Variants in STPG2 observed in about 807,000 individuals in gnomAD.
STPG2 encodes the protein sperm-tail PG-rich repeat-containing protein 2.
STPG2 carries 56 observed loss-of-function variants against 54.2 expected under a neutral mutation model. The observed-to-expected ratio is 1.03, with a 90% CI of 0.83 to 1.29. The LOEUF is 1.29. STPG2 is among the 50% of genes most tolerant of loss of function. The pLI, the probability that STPG2 is intolerant of heterozygous loss-of-function variation, is 0.00. For missense variants in STPG2, 596 were observed against 544.9 expected, an observed-to-expected ratio of 1.09 and a Z score of -0.93; for synonymous variants, 200 against 181.8, an observed-to-expected ratio of 1.10 and a Z score of -0.81.
intron 3 of STPG2, among the ~76,000 whole-genome samples, chr4:98,124,000 A>T (rs1739759623): frequency 6.6e-6 from 1 of 151,842 alleles, no homozygotes; most frequent in South Asian, 2.1e-4. Context: ...TAGGATTACA[A>T]CCCTTGCTTT....
intron 7 of STPG2, 39 bp from the exon 8 acceptor site, chr4:97,944,046 T>C: frequency 7.5e-7 from 1 of 1,333,446 alleles, no homozygotes; most frequent in South Asian, 1.2e-5. Context: ...CATCATTTAT[T>C]TTTATCAATA....
chr4:97,813,226 A>G (rs541927393), intron 9 of STPG2, among the ~76,000 whole-genome samples: 1 of 141,058 alleles, frequency 7.1e-6, no homozygotes, highest in South Asian at 2.3e-4. Context: ...TGCAGGGTCA[A>G]AGTAAAAACA....
chr4:98,021,726 G>T (rs2149291738), intron 5 of STPG2, among the ~76,000 whole-genome samples: 1 of 151,896 alleles, frequency 6.6e-6, no homozygotes, highest in Non-Finnish European at 1.5e-5. Context: ...ATATATTTAG[G>T]ATAGTTAGCT....
chr4:98,094,962 C>A (rs1738805679), intron 5 of STPG2, among the ~76,000 whole-genome samples: 1 of 151,612 alleles, frequency 6.6e-6, no homozygotes. Context: ...AAATGATGAA[C>A]CAATAAAAAA....
chr4:97,927,703 A>C (rs896655079), intron 8 of STPG2, among the ~76,000 whole-genome samples: 1 of 152,034 alleles, frequency 6.6e-6, no homozygotes, highest in Non-Finnish European at 1.5e-5. Flanking sequence ...CCCTAAAGAG[A>C]GTGACTTCTA....
chr4:97,855,079 A>G (rs1489091473), intron 8 of STPG2, among the ~76,000 whole-genome samples: 1 of 152,176 alleles, frequency 6.6e-6, no homozygotes, highest in Admixed American at 6.6e-5. Context: ...AAAGGACATA[A>G]TCTTATTCCT....
In STPG2 at chr4:97,494,535, T is replaced by C. The variant is rs576356670; in HGVS notation, c.462+218164A>G. 2.0e-5 allele frequency among the ~76,000 whole-genome samples: 3 copies of C among 151,686 alleles called. No homozygotes were observed. The South Asian group carries it at 6.2e-4, about 31-fold the overall frequency. ...TTGTCTTTGTCTCCACATTATATGT[T>C]TGATAAATGGAGGGCAAATAAATTA... is the stretch of plus-strand genomic sequence containing the variant. On this transcript the variant is annotated intron_variant, in intron 4 of 4. Coordinates refer to the STPG2 transcript ENST00000522676.
intron 10 of STPG2, among the ~76,000 whole-genome samples, chr4:97,625,664 T>C (rs1384060762): frequency 6.6e-6 from 1 of 152,174 alleles, no homozygotes; most frequent in Non-Finnish European, 1.5e-5. Flanking sequence ...TCTCAGTCTA[T>C]CTGATAAATA....
chr4:97,793,673 CA>C (rs2149082746), intron 9 of STPG2, among the ~76,000 whole-genome samples: 1 of 151,842 alleles, frequency 6.6e-6, no homozygotes, highest in Non-Finnish European at 1.5e-5. Context: ...TGAATCTAAA[CA>C]GCAATATATT....
At chr4:97,897,566 C>G (rs1731005915) in intron 8 of STPG2, among the ~76,000 whole-genome samples, 1 of 152,144 alleles carries the variant, frequency 6.6e-6, no homozygotes. Context: ...TTGTCAGCAT[C>G]TGTTATTTTT....
At chr4:97,582,529 T>A (rs555051313) in intron 10 of STPG2, among the ~76,000 whole-genome samples, 8 of 152,106 alleles carry the variant, frequency 5.3e-5, no homozygotes, top group Non-Finnish European at 1.0e-4. Context: ...CATAATTTTA[T>A]CTTTCTGATT....
At chr4:97,644,712 A>G (rs530530172) in intron 10 of STPG2, among the ~76,000 whole-genome samples, 37 of 152,140 alleles carry the variant, frequency 2.4e-4, no homozygotes, top group African/African-American at 8.4e-4. Context: ...AGGTGCAATG[A>G]TGTTCAATAT....
downstream of STPG2, among the ~76,000 whole-genome samples, chr4:97,556,487 C>T (rs1309923091): frequency 3.9e-5 from 6 of 152,134 alleles, no homozygotes; most frequent in Admixed American, 3.9e-4. Flanking sequence ...ATTTTCTAAG[C>T]CATTTAGTAT....
intron 2 of STPG2, among the ~76,000 whole-genome samples, chr4:98,130,629 C>T (rs1422623581): frequency 6.6e-6 from 1 of 151,842 alleles, no homozygotes; most frequent in African/African-American, 2.4e-5. Flanking sequence ...GATGTCAAAA[C>T]TTTCCAAAAT....
At chr4:97,524,963 ATTAT>A (rs1204302192) in intron 4 of STPG2, among the ~76,000 whole-genome samples, 4 of 152,108 alleles carry the variant, frequency 2.6e-5, no homozygotes, top group Non-Finnish European at 5.9e-5. Context: ...GGACCTGAAC[ATTAT>A]TTAAAGATTC....
chr4:97,532,763 TAAGA>T (rs1399446661), intron 4 of STPG2, among the ~76,000 whole-genome samples: 1 of 152,194 alleles, frequency 6.6e-6, no homozygotes, highest in Non-Finnish European at 1.5e-5. Flanking sequence ...AAACAATGGA[TAAGA>T]AAGCAGATTC....
At chr4:97,795,020 A>T (rs374704587) in intron 9 of STPG2, among the ~76,000 whole-genome samples, 6 of 152,172 alleles carry the variant, frequency 3.9e-5, no homozygotes, top group East Asian at 3.9e-4. Context: ...CCACTATAAT[A>T]ATGACAATCT....
chr4:97,562,355 G>T (rs1704780805), intron 10 of STPG2, among the ~76,000 whole-genome samples: 1 of 152,122 alleles, frequency 6.6e-6, no homozygotes, highest in Non-Finnish European at 1.5e-5. Flanking sequence ...AGAAAATGGG[G>T]TTTTCTAGAT....
At chr4:97,799,458 A>G (rs1483713928) in intron 9 of STPG2, among the ~76,000 whole-genome samples, 1 of 152,114 alleles carries the variant, frequency 6.6e-6, no homozygotes, top group Non-Finnish European at 1.5e-5. Flanking sequence ...GTTTGGCTGG[A>G]TATGAAATTT....
Sources: gnomAD v4.1 joint callset for allele counts (sites outside exome capture counted in the v4.1 genomes callset) on GRCh38, gnomAD v4.1.1 for gene constraint, MANE v1.5 for transcripts, NCBI Gene and HGNC (gene_info 2026-07-23, HGNC 2026-07-21) for gene names.